AGBL4: variants seen among roughly 807,000 people sequenced by gnomAD.
The protein encoded by AGBL4 is cytosolic carboxypeptidase 6.
AGBL4 carries 58 observed loss-of-function variants against 66.4 expected under a neutral mutation model. The observed-to-expected ratio is 0.87, with a 90% CI of 0.71 to 1.09. The LOEUF (loss-of-function observed/expected upper bound fraction) is 1.09, where lower values mean the gene tolerates loss of function less well. AGBL4 is among the 50% of genes least tolerant of loss of function. The pLI, the probability that AGBL4 is intolerant of heterozygous loss-of-function variation, is 0.00. For synonymous variants in AGBL4, 234 were observed against 222.9 expected, an observed-to-expected ratio of 1.05 and a Z score of -0.44; for missense variants, 579 against 631.0, an observed-to-expected ratio of 0.92 and a Z score of 0.88.
At chr1:48,746,627 G>T (rs1424990352) in intron 6 of AGBL4, among the ~76,000 whole-genome samples, 3 of 152,214 alleles carry the variant, frequency 2.0e-5, no homozygotes, top group South Asian at 4.1e-4. Flanking sequence ...TCTACAGAAG[G>T]TCGGCTTGAA....
intron 3 of AGBL4, among the ~76,000 whole-genome samples, chr1:49,669,444 C>A (rs1431596017): frequency 6.6e-6 from 1 of 152,106 alleles, no homozygotes; most frequent in Non-Finnish European, 1.5e-5. Context: ...AGTTCAAATG[C>A]CAGTGTGTGG....
chr1:49,045,041 C>T (rs553822542), intron 5 of AGBL4, among the ~76,000 whole-genome samples: 12 of 152,156 alleles, frequency 7.9e-5, no homozygotes, highest in Non-Finnish European at 1.2e-4. Flanking sequence ...ATCTCTAGAC[C>T]CAGGAAACTA....
chr1:49,837,127 C>T (rs1218798127), intron 2 of AGBL4, among the ~76,000 whole-genome samples: 2 of 152,328 alleles, frequency 1.3e-5, no homozygotes, highest in East Asian at 1.9e-4. Flanking sequence ...CAAGCAGGAA[C>T]GTTTGAGTCT....
intron 3 of AGBL4, among the ~76,000 whole-genome samples, chr1:49,675,151 C>T (rs865848706): frequency 1.3e-5 from 2 of 152,122 alleles, no homozygotes; most frequent in Middle Eastern, 3.4e-3. Flanking sequence ...TGTTTTCCAA[C>T]CAAGGGATAA....
chr1:49,178,712 A>T (rs1041975383), intron 4 of AGBL4, among the ~76,000 whole-genome samples: 1 of 152,164 alleles, frequency 6.6e-6, no homozygotes, highest in Non-Finnish European at 1.5e-5. Context: ...CTGCTGAAAC[A>T]CTAGTAACTA....
chr1:48,718,995 C>T (rs1235421577), intron 6 of AGBL4, among the ~76,000 whole-genome samples: 1 of 152,214 alleles, frequency 6.6e-6, no homozygotes, highest in African/African-American at 2.4e-5. Flanking sequence ...CGTAATACAT[C>T]AGCTCCTTGT....
At chr1:48,586,032 T>C (rs1236777456) in intron 11 of AGBL4, 1 of 152,098 alleles carries the variant, frequency 6.6e-6, no homozygotes, top group Non-Finnish European at 1.5e-5. Context: ...TCCCTCCACT[T>C]CTCTGAGAAA....
At chr1:49,511,161 T>G (rs1649206636) in intron 3 of AGBL4, among the ~76,000 whole-genome samples, 1 of 151,816 alleles carries the variant, frequency 6.6e-6, no homozygotes, top group Non-Finnish European at 1.5e-5. Context: ...CACACGTATG[T>G]TTATTGCAGC....
intron 2 of AGBL4, among the ~76,000 whole-genome samples, chr1:49,834,123 T>C (rs1645778901): frequency 6.6e-6 from 1 of 152,222 alleles, no homozygotes. Context: ...GGAGTCCTTC[T>C]TTTTCTATCG....
At chr1:49,132,539 C>A (rs1390571195) in intron 4 of AGBL4, among the ~76,000 whole-genome samples, 1 of 151,920 alleles carries the variant, frequency 6.6e-6, no homozygotes, top group Non-Finnish European at 1.5e-5. Context: ...TAAAAAGTGA[C>A]CAAGTTCTAT....
chr1:49,956,168 G>A (rs1192362126), intron 1 of AGBL4, among the ~76,000 whole-genome samples: 5 of 151,826 alleles, frequency 3.3e-5, no homozygotes, highest in Non-Finnish European at 7.4e-5. Flanking sequence ...ATTGTGTGAT[G>A]AGCAATTAGG....
chr1:49,562,251 T>C (rs1317265021), intron 3 of AGBL4, among the ~76,000 whole-genome samples: 1 of 152,142 alleles, frequency 6.6e-6, no homozygotes, highest in East Asian at 1.9e-4. Context: ...TCTCCCATTC[T>C]GTAGGTTGCC....
chr1:49,022,025 C>G (rs12068650), intron 5 of AGBL4, among the ~76,000 whole-genome samples: 2 of 152,028 alleles, frequency 1.3e-5, no homozygotes, highest in African/African-American at 4.8e-5. Flanking sequence ...TTCTGCTGAC[C>G]TAGTTAGAAA....
chr1:48,560,413 G>A (rs1180772554), intron 11 of AGBL4, among the ~76,000 whole-genome samples: 2 of 152,198 alleles, frequency 1.3e-5, no homozygotes, highest in African/African-American at 4.8e-5. Flanking sequence ...GAAGGCATCT[G>A]AGCTAGAATA....
intron 4 of AGBL4, among the ~76,000 whole-genome samples, chr1:49,181,308 T>C (rs1646927231): frequency 6.6e-6 from 1 of 152,140 alleles, no homozygotes. Context: ...ACATTGAGGT[T>C]CTTCAGAAAA....
chr1:49,924,422 T>C (rs931981925), intron 1 of AGBL4, among the ~76,000 whole-genome samples: 1 of 152,150 alleles, frequency 6.6e-6, no homozygotes, highest in African/African-American at 2.4e-5. Flanking sequence ...CCTGCACACA[T>C]ACCCCTGAAC....
intron 3 of AGBL4, among the ~76,000 whole-genome samples, chr1:49,329,964 C>A (rs1165892859): frequency 6.6e-6 from 1 of 152,274 alleles, no homozygotes; most frequent in East Asian, 1.9e-4. Flanking sequence ...GTGCTCTGCT[C>A]CATGCTTGTC....
At chr1:48,558,147 A>T (rs1237278990) in intron 11 of AGBL4, among the ~76,000 whole-genome samples, 2 of 152,230 alleles carry the variant, frequency 1.3e-5, no homozygotes, top group Non-Finnish European at 2.9e-5. Flanking sequence ...AAGCACCCGT[A>T]TGGAGTTTAA....
intron 5 of AGBL4, among the ~76,000 whole-genome samples, chr1:48,898,021 C>T (rs1651706686): frequency 6.6e-6 from 1 of 151,978 alleles, no homozygotes; most frequent in Non-Finnish European, 1.5e-5. Context: ...CCATGTTGGC[C>T]AGGATGGTCT....
Sources: allele counts gnomAD v4.1 joint callset (sites outside exome capture counted in the v4.1 genomes callset), GRCh38; gene constraint gnomAD v4.1.1; transcripts MANE v1.5; gene names NCBI Gene and HGNC (gene_info 2026-07-23, HGNC 2026-07-21).